The following TENM3 variants were observed in gnomAD, a reference collection of about 807,000 sequenced individuals.
The protein encoded by TENM3 is teneurin transmembrane protein 3, also known as teneurin-3.
A neutral mutation model predicts 255.1 loss-of-function variants in TENM3; 63 were observed. That is an observed-to-expected ratio of 0.25 (90% confidence interval 0.20 to 0.30). The LOEUF is 0.30. Ranked by LOEUF, TENM3 falls within the 10% of genes least tolerant of loss-of-function variation. TENM3 has a pLI of 1.00. For synonymous variants in TENM3, 1,306 were observed against 1,322.3 expected (o/e 0.99, Z 0.27); for missense variants, 2,929 against 3,461.1 (o/e 0.85, Z 3.86).
Position 182,799,473 on chromosome 4 carries a change from C to A in TENM3, c.7345-123C>A. On this transcript the variant is annotated intron_variant, in intron 27 of 27. Coordinates refer to ENST00000511685, the MANE Select transcript of TENM3 (RefSeq NM_001080477.4). This position sits in a 1 kb window ranked among gnomAD's most constrained non-coding sequence, Gnocchi z 4.2. The stretch of plus-strand genomic sequence containing the variant: ...CCACCCGGGCTGTCAGCCTTCTGGT[C>A]AGGGAAGGACCCCGGGGCTTCCATG... 1.5e-6 allele frequency: 2 copies of A among 1,293,634 alleles called. No individual in the cohort carries two copies. The highest frequency in any genetic ancestry group is 2.1e-6 in the Non-Finnish European group (2 of 966,874). The allele number at this position is 1,293,634 out of a possible 1,614,324, so 80.1% of individuals were successfully genotyped here.
intron 3 of TENM3, among the ~76,000 whole-genome samples, chr4:182,448,309 C>T (rs1304037471): frequency 6.6e-6 from 1 of 152,170 alleles, no homozygotes; most frequent in East Asian, 1.9e-4. Flanking sequence ...CTGCTGCGTT[C>T]ACGAGCGACA....
chr4:182,121,200 G>A, the TENM3 span, among the ~76,000 whole-genome samples: 1 of 152,038 alleles, frequency 6.6e-6, no homozygotes, highest in South Asian at 2.1e-4. Context: ...TTTTCACCAT[G>A]TTGGCCAGGC....
At chr4:182,241,518 C>CTTTT (rs982739950), upstream of TENM3, among the ~76,000 whole-genome samples, 620 of 114,234 alleles carry the variant, frequency 5.4e-3, 31 homozygotes, top group African/African-American at 0.022. Context: ...TTTTTTCTTT[C>CTTTT]TTTTTTTTTT....
chr4:181,800,632 C>CA, the TENM3 span, among the ~76,000 whole-genome samples: 4 of 151,994 alleles, frequency 2.6e-5, no homozygotes, highest in Admixed American at 1.3e-4. Flanking sequence ...GACTCCATCT[C>CA]AAAAAAAGAA....
At chr4:181,966,987 ATATC>A in the TENM3 span, among the ~76,000 whole-genome samples, 4 of 151,210 alleles carry the variant, frequency 2.6e-5, no homozygotes, top group African/African-American at 9.7e-5. Context: ...CCCTCACACC[ATATC>A]TCTCTCTCTC....
chr4:182,372,061 A>C (rs1368997582), intron 3 of TENM3, among the ~76,000 whole-genome samples: 1 of 152,232 alleles, frequency 6.6e-6, no homozygotes, highest in African/African-American at 2.4e-5. Flanking sequence ...TATATAGATA[A>C]ATTATGCAAA....
chr4:182,247,775 T>C (rs1332132798), intron 1 of TENM3, among the ~76,000 whole-genome samples: 1 of 152,130 alleles, frequency 6.6e-6, no homozygotes, highest in Non-Finnish European at 1.5e-5. Flanking sequence ...GTGATATGAG[T>C]AAAAGCAGAA....
intron 1 of TENM3, among the ~76,000 whole-genome samples, chr4:182,234,726 C>T (rs534427695): frequency 2.0e-5 from 3 of 151,920 alleles, no homozygotes; most frequent in Admixed American, 6.6e-5. Context: ...AGCAAGATTC[C>T]CTTTCAAAAG....
chr4:182,501,759 C>G (rs1736345254), intron 3 of TENM3, among the ~76,000 whole-genome samples: 1 of 152,140 alleles, frequency 6.6e-6, no homozygotes. Context: ...ATACTTTTCT[C>G]CATTCTGGCG....
At chr4:182,679,056 T>C (rs1032360377) in intron 7 of TENM3, among the ~76,000 whole-genome samples, 2 of 152,066 alleles carry the variant, frequency 1.3e-5, no homozygotes, top group Non-Finnish European at 2.9e-5. Flanking sequence ...CCAGGGCCTG[T>C]CAGGGTGTCA....
the TENM3 span, among the ~76,000 whole-genome samples, chr4:181,912,952 T>G: frequency 6.6e-6 from 1 of 152,196 alleles, no homozygotes; most frequent in East Asian, 1.9e-4. Flanking sequence ...AGGGCTTCTG[T>G]GCAGAAATAT....
the TENM3 span, among the ~76,000 whole-genome samples, chr4:181,788,281 G>A: frequency 6.6e-6 from 1 of 152,122 alleles, no homozygotes; most frequent in Non-Finnish European, 1.5e-5. Flanking sequence ...AGTAATATAT[G>A]TTAAGTACCT....
chr4:181,749,440 T>G, the TENM3 span, among the ~76,000 whole-genome samples: 1 of 152,114 alleles, frequency 6.6e-6, no homozygotes, highest in Non-Finnish European at 1.5e-5. Context: ...AACAGATCTC[T>G]TATCACAAGC....
chr4:182,264,092 C>T (rs1285905937), intron 1 of TENM3, among the ~76,000 whole-genome samples: 2 of 152,158 alleles, frequency 1.3e-5, no homozygotes, highest in Non-Finnish European at 2.9e-5. Context: ...TTCTCTCTCT[C>T]TCTGTGCAAA....
the TENM3 span, among the ~76,000 whole-genome samples, chr4:182,109,239 C>T: frequency 6.8e-6 from 1 of 147,462 alleles, no homozygotes; most frequent in Non-Finnish European, 1.5e-5. Flanking sequence ...ATAAATTATG[C>T]TTTACTCTAT....
chr4:181,817,783 C>T, the TENM3 span, among the ~76,000 whole-genome samples: 1 of 152,172 alleles, frequency 6.6e-6, no homozygotes, highest in Admixed American at 6.5e-5. Context: ...CAGACGCCAA[C>T]CTGCTAGCAT....
chr4:182,688,968 G>A (rs535818111), intron 12 of TENM3, among the ~76,000 whole-genome samples: 1 of 152,234 alleles, frequency 6.6e-6, no homozygotes, highest in Admixed American at 6.5e-5. Flanking sequence ...AAAACCATCA[G>A]ATAGATGTTT....
chr4:181,546,874 G>A, the TENM3 span, among the ~76,000 whole-genome samples: 1 of 151,882 alleles, frequency 6.6e-6, no homozygotes, highest in East Asian at 1.9e-4. Context: ...TTTGTTGTGT[G>A]TATTGGGGAT....
At chr4:182,505,288 G>A (rs2151679403) in intron 3 of TENM3, among the ~76,000 whole-genome samples, 1 of 151,672 alleles carries the variant, frequency 6.6e-6, no homozygotes, top group Non-Finnish European at 1.5e-5. Flanking sequence ...ATTCTGCAAA[G>A]ATGAAAATCT....
Sources: gnomAD v4.1 joint callset for allele counts (sites outside exome capture counted in the v4.1 genomes callset) on GRCh38, gnomAD v4.1.1 for gene constraint, Gnocchi (gnomAD v3.1) non-coding constraint, MANE v1.5 for transcripts, NCBI Gene and HGNC (gene_info 2026-07-23, HGNC 2026-07-21) for gene names.